Variants in ERCC5 observed in about 807,000 individuals in gnomAD.
ERCC5 encodes ERCC excision repair 5, endonuclease, also known as DNA excision repair protein ERCC-5.
A neutral mutation model predicts 105.6 loss-of-function variants in ERCC5; 68 were observed. The observed-to-expected ratio is 0.64, with a 90% confidence interval of 0.53 to 0.79. The LOEUF is 0.79. ERCC5 is among the 30% of genes least tolerant of loss of function. ERCC5 has a pLI of 0.00. For missense variants in ERCC5, 1,373 were observed against 1,426.7 expected (o/e 0.96, Z 0.61); for synonymous variants, 546 against 526.2 (o/e 1.04, Z -0.51).
chr13:102,866,883 T>C, intron 11 of ERCC5, 38 bp downstream of exon 11: 1 of 1,569,334 alleles, frequency 6.4e-7, no homozygotes, highest in Non-Finnish European at 8.7e-7. Flanking sequence ...TTTCTGACAT[T>C]TACCTTCAGA....
intron 12 of ERCC5, among the ~76,000 whole-genome samples, chr13:102,868,468 G>A (rs1176662925): frequency 1.3e-5 from 2 of 152,204 alleles, no homozygotes; most frequent in South Asian, 2.1e-4. Context: ...TAGTTCAAGG[G>A]TACAAAGCCA....
chr13:102,866,717 A>G lies in ERCC5; in HGVS notation c.2405A>G (p.Gln802Arg), dbSNP rs1395551931. ...AQCAILDLTD[Q>R]TSGTITDDSD... ...TGCGCCATCCTGGACCTGACTGATCAGACTTCCGGAACCATCACTGATGAC... is the reference window on the plus strand; with the variant it reads ...TGCGCCATCCTGGACCTGACTGATCGGACTTCCGGAACCATCACTGATGAC... Residue 802 changes from glutamine to arginine, a missense_variant, in exon 11 of 15, where the codon CAG (glutamine) becomes CGG (arginine). Gln to Arg is a conservative substitution (Grantham distance 43). Around this residue, in one of 3 missense-constraint regions of ERCC5, gnomAD observed 1,004 missense variants for 1,059.7 expected, o/e 0.95. Transcript: ENST00000652225. 1 of 1,614,276 alleles carries G rather than the reference A, an allele frequency of 6.2e-7. No individual in the cohort carries two copies. The highest frequency in any genetic ancestry group is 1.3e-5 in the African/African-American group (1 of 75,080).
At chr13:102,874,747 T>TCTC (rs4150372) in intron 14 of ERCC5, 3,075 of 153,732 alleles carry the variant, frequency 0.02, 53 homozygotes, top group Non-Finnish European at 0.032. Context: ...ATGGTCTCGA[T>TCTC]CTGACCTCGT....
chr13:102,860,536 C>T (rs1427970823), intron 6 of ERCC5, among the ~76,000 whole-genome samples: 2 of 152,102 alleles, frequency 1.3e-5, no homozygotes, highest in Admixed American at 6.6e-5. Context: ...GAACATACCC[C>T]AAGGATGAGG....
intron 11 of ERCC5, 86 bp downstream of exon 11, chr13:102,866,931 T>A: frequency 7.0e-7 from 1 of 1,435,726 alleles, no homozygotes; most frequent in South Asian, 1.3e-5. Context: ...GGAACTAGTT[T>A]GATGCATTGA....
At position 102,862,807 on chromosome 13, in the gene ERCC5, A is replaced by G. The variant is rs1221517204; in HGVS notation, c.1658A>G (p.Glu553Gly). 1.2e-6 allele frequency: 2 copies of G among 1,614,224 alleles called. No individual in the cohort carries two copies. Among genetic ancestry groups the G allele is most frequent in the Middle Eastern group, 1.6e-4 (1 of 6,062 alleles). The change falls in exon 8 of 15, where the codon GAG becomes GGG. Residue 553 changes from glutamate to glycine, a missense_variant. Transcript: ENST00000652225. ...LEQQNELCPY[E>G]SKFDSSLLSS... is the part of the protein sequence containing the mutation. ...CAGCAGAACGAACTTTGCCCATATG[A>G]GAGTAAATTCGATTCTTCTCTTCTT...
At chr13:102,863,959 T>G (rs1046833685) in intron 8 of ERCC5, among the ~76,000 whole-genome samples, 4 of 152,048 alleles carry the variant, frequency 2.6e-5, no homozygotes, top group African/African-American at 4.8e-5. Context: ...AAGATGGTGG[T>G]TTTTTAGGAT....
chr13:102,875,414 GA>G lies in ERCC5; in HGVS notation c.3075del (p.Glu1026ArgfsTer9), dbSNP rs1228825667. 1 of 1,614,150 alleles carries G rather than the reference GA, an allele frequency of 6.2e-7. No homozygotes were observed. Among genetic ancestry groups the G allele is most frequent in the South Asian group, 1.1e-5 (1 of 91,082 alleles). ...ACAGAGCTGTGACATGTATGCTAAGGAAAGAGAAAGAAGCAGCAGCCAGCGA... is the reference window on the plus strand; with the variant it reads ...ACAGAGCTGTGACATGTATGCTAAGGAAGAGAAAGAAGCAGCAGCCAGCGA... ...LNRAVTCMLR[K>X]EKEAAASEIE... is the part of the protein sequence containing the mutation. On this transcript the variant is annotated frameshift_variant, in exon 15 of 15. Transcript: ENST00000652225. LOFTEE classifies it low-confidence loss of function (END_TRUNC).
At chr13:102,849,196 T>C (rs1308433845) in intron 1 of ERCC5, 1 of 519,030 alleles carries the variant, frequency 1.9e-6, no homozygotes, top group African/African-American at 1.9e-5. Flanking sequence ...CTCTGAGATG[T>C]ATCTTTTATC....
chr13:102,854,395 G>T, intron 4 of ERCC5, 21 bp downstream of exon 4: 2 of 1,609,646 alleles, frequency 1.2e-6, no homozygotes, highest in South Asian at 1.1e-5. Context: ...AACTATTTAA[G>T]AATATTATTT....
chr13:102,853,378 A>G (rs781755410), intron 2 of ERCC5, among the ~76,000 whole-genome samples: 28 of 152,246 alleles, frequency 1.8e-4, no homozygotes, highest in Non-Finnish European at 2.9e-4. Context: ...TAAGTAATGC[A>G]TGTTTATAAA....
chr13:102,863,952 A>G (rs1484303073), intron 8 of ERCC5, among the ~76,000 whole-genome samples: 1 of 152,078 alleles, frequency 6.6e-6, no homozygotes, highest in Non-Finnish European at 1.5e-5. Flanking sequence ...ATCTATTAAG[A>G]TGGTGGTTTT....
intron 9 of ERCC5, 139 bp downstream of exon 9, chr13:102,866,050 G>C: frequency 6.5e-7 from 1 of 1,537,280 alleles, no homozygotes; most frequent in Non-Finnish European, 8.9e-7. Context: ...TCATTTTTGT[G>C]TAGGTTACTG....
rs1348757624 is a variant in ERCC5, at chr13:102,868,264, T to G, written c.2678+7T>G. The G allele has an allele frequency of 2.4e-5, 39 of 1,614,038 alleles. No individual in the cohort carries two copies. The highest frequency in any genetic ancestry group is 3.1e-5 in the Non-Finnish European group (37 of 1,180,008). The stretch of plus-strand genomic sequence containing the variant: ...AACCTCTCCTAAAATTCTCGTAAGG[T>G]CTTTTATTTCTTTAATTTGGATAAT... On this transcript the variant is annotated splice_region_variant and intron_variant, in intron 12 of 14. Coordinates refer to ENST00000652225, the MANE Select transcript of ERCC5 (RefSeq NM_000123.4).
intron 6 of ERCC5, among the ~76,000 whole-genome samples, chr13:102,859,624 G>A (rs905181832): frequency 1.3e-5 from 2 of 152,184 alleles, no homozygotes; most frequent in Admixed American, 1.3e-4. Flanking sequence ...ATGATTTACT[G>A]TTCTTTATTT....
chr13:102,862,108 A>G lies in ERCC5; in HGVS notation c.959A>G (p.Asp320Gly), dbSNP rs1469770393. The change falls in exon 8 of 15, where the codon GAC (aspartate) becomes GGC (glycine). Residue 320 changes from aspartate (D) to glycine (G), a missense_variant. Coordinates refer to ENST00000652225, the MANE Select transcript of ERCC5 (RefSeq NM_000123.4). Reference protein sequence around the residue: ...SSSKMHGMSFDVKSSPCEKLK... With the variant: ...SSSKMHGMSFGVKSSPCEKLK... ...AGCAAAATGCACGGCATGTCTTTTG[A>G]CGTGAAGTCATCTCCATGTGAAAAA... 5.6e-6 allele frequency: 9 copies of G among 1,614,100 alleles called. No individual in the cohort carries two copies. Among genetic ancestry groups the G allele is most frequent in the Admixed American group, 3.3e-5 (2 of 60,010 alleles).
intron 14 of ERCC5, among the ~76,000 whole-genome samples, chr13:102,874,574 T>A (rs900646179): frequency 1.3e-5 from 2 of 152,166 alleles, no homozygotes; most frequent in Non-Finnish European, 2.9e-5. Context: ...CAGGCTGGAG[T>A]GCAGTGGTGA....
Position 102,846,237 on chromosome 13 carries a change from C to T in ERCC5, c.-30C>T, listed in dbSNP as rs760425066. ...GTAGAAGAATTAGAGTAGAAGTTGT[C>T]GGGGTCCGCTCTTAGGACGCAGCCG... is the stretch of plus-strand genomic sequence containing the variant. On this transcript the variant is annotated 5_prime_UTR_variant, in exon 1 of 15. Transcript: ENST00000652225. 4 of 1,591,024 alleles carry T rather than the reference C, an allele frequency of 2.5e-6. No individual in the cohort carries two copies. The highest frequency in any genetic ancestry group is 3.4e-5 in the Admixed American group (2 of 59,102).
intron 6 of ERCC5, 85 bp from the exon 7 acceptor site, chr13:102,861,422 C>A: frequency 1.4e-6 from 2 of 1,453,550 alleles, no homozygotes; most frequent in Non-Finnish European, 1.9e-6. Flanking sequence ...GTTCTTTGTT[C>A]CCTGTTGGGG....
Sources: allele counts gnomAD v4.1 joint callset (sites outside exome capture counted in the v4.1 genomes callset), GRCh38; gene constraint gnomAD v4.1.1; regional missense constraint gnomAD v4.1.1; transcripts MANE v1.5; gene names NCBI Gene and HGNC (gene_info 2026-07-23, HGNC 2026-07-21).